PHF14: variants seen among roughly 807,000 people sequenced by gnomAD.
PHF14 encodes the protein PHD finger protein 14.
Under a neutral mutation model 117.9 loss-of-function variants are expected in PHF14, and 55 were observed. The observed-to-expected ratio is 0.47, with a 90% confidence interval of 0.38 to 0.58. PHF14 has a LOEUF of 0.58. PHF14 is among the 20% of genes least tolerant of loss of function. PHF14 has a pLI of 0.00. For synonymous variants in PHF14, 409 were observed against 368.6 expected (o/e 1.11, Z -1.26); for missense variants, 978 against 1,122.2 (o/e 0.87, Z 1.84).
At chr7:11,169,356 G>C (rs907894740) in intron 17 of PHF14, 60 bp from the exon 18 acceptor site, 6 of 748,402 alleles carry the variant, frequency 8.0e-6, no homozygotes, top group African/African-American at 3.7e-5. Context: ...AATCTGTCAA[G>C]TATAGCTGAT....
intron 2 of PHF14, among the ~76,000 whole-genome samples, chr7:10,978,447 G>C (rs1174929133): frequency 6.6e-6 from 1 of 152,170 alleles, no homozygotes; most frequent in African/African-American, 2.4e-5. Flanking sequence ...GAAGGATTTA[G>C]ATAAACAGCA....
chr7:10,984,927 G>A (rs1032646654), intron 3 of PHF14, among the ~76,000 whole-genome samples: 8 of 152,026 alleles, frequency 5.3e-5, no homozygotes, highest in African/African-American at 1.9e-4. Context: ...AGATTCCAAA[G>A]TGCTTCTTCG....
rs540781957 is a variant in PHF14, at chr7:11,134,324, A to G, written c.2772+22857A>G. On this transcript the variant is annotated intron_variant, in intron 17 of 17. Coordinates refer to ENST00000634607, the MANE Select transcript of PHF14 (RefSeq NM_001007157.2). The stretch of plus-strand genomic sequence containing the variant: ...AAATATATTAGAATTATAGAATTTA[A>G]TAGCTAATATGGACCTGAAATATCA... 1.3e-4 allele frequency among the ~76,000 whole-genome samples: 20 copies of G among 152,160 alleles called. No homozygotes were observed. In the South Asian group the frequency reaches 3.7e-3, roughly 28 times the overall value.
intron 14 of PHF14, among the ~76,000 whole-genome samples, chr7:11,052,017 C>G (rs1420992145): frequency 6.6e-6 from 1 of 152,158 alleles, no homozygotes; most frequent in Non-Finnish European, 1.5e-5. Context: ...CCATCACCCA[C>G]CTTGAAAGAC....
intron 17 of PHF14, among the ~76,000 whole-genome samples, chr7:11,148,509 C>T (rs552839251): frequency 6.6e-6 from 1 of 152,154 alleles, no homozygotes; most frequent in Admixed American, 6.5e-5. Context: ...CCTTGACTAC[C>T]TTGCCTAAGA....
rs1478559991 is a variant in PHF14 at position 11,051,451 on chromosome 7, G to A, written c.2313-161G>A. 4.4e-4 allele frequency among the ~76,000 whole-genome samples: 67 copies of A among 152,032 alleles called. 1 individual carries two copies. The highest frequency in any genetic ancestry group is 4.4e-5 in the Non-Finnish European group (3 of 68,008). On this transcript the variant is annotated intron_variant, in intron 13 of 17. Coordinates refer to ENST00000634607, the MANE Select transcript of PHF14 (RefSeq NM_001007157.2). ...ATTCATAGTAGTCACTCTTAGAGGA[G>A]TATTTCTGAATGTTTTTTCATTATG...
chr7:11,080,379 C>T (rs1786050633), intron 16 of PHF14, among the ~76,000 whole-genome samples: 1 of 151,846 alleles, frequency 6.6e-6, no homozygotes, highest in Non-Finnish European at 1.5e-5. Flanking sequence ...TTTTTTTCCC[C>T]CCTCAGAATT....
intron 17 of PHF14, among the ~76,000 whole-genome samples, chr7:11,139,038 G>A (rs1788329840): frequency 6.6e-6 from 1 of 152,124 alleles, no homozygotes; most frequent in African/African-American, 2.4e-5. Context: ...ATCTAAGGGA[G>A]CAAGGAAGTC....
At chr7:11,141,156 C>G (rs1788386799) in intron 17 of PHF14, among the ~76,000 whole-genome samples, 1 of 152,022 alleles carries the variant, frequency 6.6e-6, no homozygotes, top group South Asian at 2.1e-4. Flanking sequence ...AAATATCAAT[C>G]CAGTTACACC....
intron 17 of PHF14, among the ~76,000 whole-genome samples, chr7:11,137,053 A>G (rs575869490): frequency 1.3e-5 from 2 of 152,232 alleles, no homozygotes; most frequent in Non-Finnish European, 2.9e-5. Context: ...TATGGGGGCA[A>G]AAATGCAAAA....
At chr7:11,057,551 T>G (rs942503671) in intron 14 of PHF14, among the ~76,000 whole-genome samples, 1 of 151,944 alleles carries the variant, frequency 6.6e-6, no homozygotes, top group African/African-American at 2.4e-5. Context: ...AGTTTTGTAT[T>G]TTAGTAGAGA....
At chr7:11,017,706 T>A (rs1783580347) in intron 5 of PHF14, among the ~76,000 whole-genome samples, 1 of 152,166 alleles carries the variant, frequency 6.6e-6, no homozygotes, top group Non-Finnish European at 1.5e-5. Context: ...CTGTGGGTTG[T>A]CTCTTCAGTT....
chr7:11,127,351 G>A (rs921460700), intron 17 of PHF14, among the ~76,000 whole-genome samples: 1 of 151,430 alleles, frequency 6.6e-6, no homozygotes, highest in Non-Finnish European at 1.5e-5. Flanking sequence ...ACTTAGTTCC[G>A]TTTATCTCTT....
At chr7:11,030,444 A>G (rs545522215) in intron 7 of PHF14, among the ~76,000 whole-genome samples, 2 of 152,126 alleles carry the variant, frequency 1.3e-5, no homozygotes, top group African/African-American at 4.8e-5. Context: ...ATATGTCATC[A>G]TTTTTGGCAA....
chr7:11,151,813 G>A (rs1189939150), intron 17 of PHF14, among the ~76,000 whole-genome samples: 1 of 152,054 alleles, frequency 6.6e-6, no homozygotes, highest in Non-Finnish European at 1.5e-5. Flanking sequence ...AGCTGTTAAA[G>A]TATTGAGAAA....
chr7:11,041,745 A>G (rs1784512098), intron 12 of PHF14, among the ~76,000 whole-genome samples: 1 of 151,916 alleles, frequency 6.6e-6, no homozygotes, highest in Admixed American at 6.6e-5. Flanking sequence ...CAATATCACT[A>G]TGCTTCTGAC....
chr7:11,021,684 G>C (rs775756000), intron 5 of PHF14, among the ~76,000 whole-genome samples: 1 of 152,140 alleles, frequency 6.6e-6, no homozygotes, highest in Non-Finnish European at 1.5e-5. Context: ...GAAAGCAGCT[G>C]CTTGTTGAAG....
chr7:11,139,228 A>AGATATATT (rs1429616812), intron 17 of PHF14, among the ~76,000 whole-genome samples: 55 of 152,290 alleles, frequency 3.6e-4, no homozygotes, highest in African/African-American at 1.3e-3. Flanking sequence ...ATTTATTAAA[A>AGATATATT]AACATATTGA....
At chr7:11,011,181 A>G (rs1783343564) in intron 4 of PHF14, among the ~76,000 whole-genome samples, 1 of 152,230 alleles carries the variant, frequency 6.6e-6, no homozygotes, top group African/African-American at 2.4e-5. Context: ...TAGTTAATTA[A>G]TGTTGGTAAT....
Sources: allele counts gnomAD v4.1 joint callset (sites outside exome capture counted in the v4.1 genomes callset), GRCh38; gene constraint gnomAD v4.1.1; transcripts MANE v1.5; gene names NCBI Gene and HGNC (gene_info 2026-07-23, HGNC 2026-07-21).